Variants in LUC7L observed in about 807,000 individuals in gnomAD.
LUC7L encodes the protein putative RNA-binding protein Luc7-like 1.
In LUC7L, 29 loss-of-function variants were observed where a neutral mutation model predicts 51.1. That is an observed-to-expected ratio of 0.57 (90% CI 0.42 to 0.77). LUC7L has a LOEUF of 0.77. Ranked by LOEUF, LUC7L falls within the 30% of genes least tolerant of loss-of-function variation. The pLI, the probability that LUC7L is intolerant of heterozygous loss-of-function variation, is 0.00. For synonymous variants in LUC7L, 181 were observed against 180.7 expected (o/e 1.00, Z -0.01); for missense variants, 403 against 511.9 (o/e 0.79, Z 2.05).
intron 1 of LUC7L, chr16:229,042 C>G (rs905402278): frequency 7.0e-7 from 1 of 1,421,442 alleles, no homozygotes; most frequent in African/African-American, 1.5e-5. Context: ...AGGAAGGAGG[C>G]TGAAGCCCCA....
intron 5 of LUC7L, among the ~76,000 whole-genome samples, chr16:200,704 A>G (rs926049210): frequency 1.4e-4 from 21 of 152,182 alleles, no homozygotes; most frequent in Non-Finnish European, 2.8e-4. Context: ...CAACACAGCA[A>G]GACTCAGTCT....
At chr16:190,749 G>A (rs1009410535) in intron 7 of LUC7L, 179 bp from the exon 8 acceptor site, 9 of 603,126 alleles carry the variant, frequency 1.5e-5, no homozygotes, top group South Asian at 4.1e-5. Context: ...GCGTGGTGGC[G>A]GGTGCCTGTA....
At chr16:226,112 C>T (rs540746957) in intron 2 of LUC7L, among the ~76,000 whole-genome samples, 139 of 152,294 alleles carry the variant, frequency 9.1e-4, no homozygotes, top group African/African-American at 3.2e-3. Flanking sequence ...CCAGGCCAAA[C>T]AGCAGACAAC....
At chr16:205,053 A>G (rs368214830) in intron 5 of LUC7L, among the ~76,000 whole-genome samples, 2 of 152,230 alleles carry the variant, frequency 1.3e-5, no homozygotes, top group South Asian at 2.1e-4. Flanking sequence ...ATGAATTATT[A>G]CAGTAGTACA....
intron 3 of LUC7L, among the ~76,000 whole-genome samples, chr16:212,476 G>C (rs935160810): frequency 2.6e-5 from 4 of 152,038 alleles, no homozygotes; most frequent in Non-Finnish European, 5.9e-5. Flanking sequence ...CCAGTTTATA[G>C]ATGAAAAAAA....
At position 221,570 on chromosome 16, in the gene LUC7L, C is replaced by A. The variant is rs185673449; in HGVS notation, c.157-823G>T. Among the ~76,000 whole-genome samples the A allele has an allele frequency of 3.8e-3, 579 of 152,066 alleles. 7 individuals carry two copies. The highest frequency in any genetic ancestry group is 0.014 in the Middle Eastern group (4 of 294). On this transcript the variant is annotated intron_variant, in intron 2 of 9. Coordinates refer to ENST00000293872, the MANE Select transcript of LUC7L (RefSeq NM_201412.3). ...TACAAAAATTAGCCAGGTGTGGTGG[C>A]AGGGCACCTGTAATCCCAGCTACCT...
intron 3 of LUC7L, among the ~76,000 whole-genome samples, chr16:215,183 A>C (rs561506468): frequency 6.6e-6 from 1 of 152,290 alleles, no homozygotes; most frequent in African/African-American, 2.4e-5. Flanking sequence ...TTCTGGAAAA[A>C]AATGTTTAAA....
chr16:220,688 C>A lies in LUC7L; in HGVS notation c.216G>T (p.Glu72Asp). The A allele has an allele frequency of 6.2e-7, 1 of 1,614,076 alleles. No individual in the cohort carries two copies. The highest frequency in any genetic ancestry group is 8.5e-7 in the Non-Finnish European group (1 of 1,179,968). ...ACAGGTCTCTTTCTTTACTTGCAAT[C>A]TCATAATCTGCTCGGAGGGCCAAGT... ...IHDLALRADY[E>D]IASKERDLFF... The change falls in exon 3 of 10, where the codon GAG (glutamate) becomes GAT (aspartate). Residue 72 changes from glutamate (E) to aspartate (D), a missense_variant. Transcript: ENST00000293872.
At position 208,199 on chromosome 16, in the gene LUC7L, A is replaced by G. The variant is rs1378510602; in HGVS notation, c.256-11T>C. On this transcript the variant is annotated splice_polypyrimidine_tract_variant and intron_variant, in intron 3 of 9. Coordinates refer to ENST00000293872, the MANE Select transcript of LUC7L (RefSeq NM_201412.3). ...CAAGTGATCCATTGCCTAGCACGGG[A>G]AAAGCACAGCGCTATAATCAATGAT... 6.4e-7 allele frequency: 1 copy of G among 1,570,204 alleles called. No individual in the cohort carries two copies. The highest frequency in any genetic ancestry group is 1.7e-5 in the Admixed American group (1 of 59,544).
chr16:228,582 T>C (rs1279064971), intron 1 of LUC7L: 2 of 1,190,788 alleles, frequency 1.7e-6, no homozygotes, highest in African/African-American at 1.6e-5. Context: ...TACAACTTCA[T>C]TACTCAGCAG....
chr16:209,200 A>G (rs1175775345), intron 3 of LUC7L: 1 of 145,350 alleles, frequency 6.9e-6, no homozygotes, highest in African/African-American at 2.6e-5. Flanking sequence ...AAAAACAAAA[A>G]CAAAAAAAGG....
chr16:220,081 T>G (rs1321307052), intron 3 of LUC7L: 1 of 152,224 alleles, frequency 6.6e-6, no homozygotes, highest in Non-Finnish European at 1.5e-5. Context: ...CAAAATTGTC[T>G]TGCGAGGATA....
chr16:212,782 C>T (rs2049680978), intron 3 of LUC7L, among the ~76,000 whole-genome samples: 1 of 146,988 alleles, frequency 6.8e-6, no homozygotes, highest in Non-Finnish European at 1.5e-5. Flanking sequence ...AGAAATATAC[C>T]TTTTTTTTTT....
chr16:228,992 C>T (rs2050199158), intron 1 of LUC7L: 3 of 1,431,840 alleles, frequency 2.1e-6, no homozygotes, highest in African/African-American at 1.4e-5. Flanking sequence ...GGGCACGGAG[C>T]CGCGGCGCCC....
intron 5 of LUC7L, among the ~76,000 whole-genome samples, chr16:202,825 A>G (rs373277520): frequency 1.3e-5 from 2 of 152,322 alleles, no homozygotes; most frequent in South Asian, 4.1e-4. Context: ...ATGCCCACAA[A>G]AGCGATAAAC....
chr16:213,338 G>C (rs1049137285), intron 3 of LUC7L, among the ~76,000 whole-genome samples: 1 of 152,064 alleles, frequency 6.6e-6, no homozygotes, highest in African/African-American at 2.4e-5. Flanking sequence ...AAATGTGCCA[G>C]GAGTTCCATC....
intron 6 of LUC7L, among the ~76,000 whole-genome samples, chr16:197,734 T>A (rs1213905405): frequency 6.6e-6 from 1 of 151,348 alleles, no homozygotes; most frequent in Non-Finnish European, 1.5e-5. Flanking sequence ...GCGGCCTGAG[T>A]GAGCAGCTCT....
At chr16:226,507 A>T (rs1460922131) in intron 2 of LUC7L, among the ~76,000 whole-genome samples, 1 of 152,220 alleles carries the variant, frequency 6.6e-6, no homozygotes, top group Non-Finnish European at 1.5e-5. Context: ...TTAAAATTGT[A>T]GGGTTCTATA....
intron 1 of LUC7L, chr16:228,091 G>T (rs904229600): frequency 8.7e-7 from 1 of 1,149,602 alleles, no homozygotes; most frequent in Non-Finnish European, 1.1e-6. Context: ...GAAGTCGGGG[G>T]AATGATACAT....
Sources: gnomAD v4.1 joint callset for allele counts (sites outside exome capture counted in the v4.1 genomes callset) on GRCh38, gnomAD v4.1.1 for gene constraint, MANE v1.5 for transcripts, NCBI Gene and HGNC (gene_info 2026-07-23, HGNC 2026-07-21) for gene names.